OTC: variants seen among roughly 807,000 people sequenced by gnomAD.
The protein encoded by OTC is ornithine transcarbamylase, mitochondrial.
Under a neutral mutation model 30.3 loss-of-function variants are expected in OTC, and 3 were observed. That is an observed-to-expected ratio of 0.10 (90% confidence interval 0.05 to 0.26). The LOEUF is 0.26. Ranked by LOEUF, OTC falls within the 10% of genes least tolerant of loss-of-function variation. OTC has a pLI of 1.00. For synonymous variants in OTC, 111 were observed against 99.7 expected (o/e 1.11, Z -0.67); for missense variants, 194 against 260.3 (o/e 0.75, Z 1.75).
intron 1 of OTC, among the ~76,000 whole-genome samples, chrX:38,359,380 C>G (rs1283154487): frequency 9.0e-6 from 1 of 110,868 alleles, no homozygotes; most frequent in Non-Finnish European, 1.9e-5. Flanking sequence ...TCAGCCTGGG[C>G]CATACCCTAT....
At chrX:38,408,205 G>T (rs1262363578) in intron 6 of OTC, among the ~76,000 whole-genome samples, 1 of 112,050 alleles carries the variant, frequency 8.9e-6, no homozygotes, top group Admixed American at 9.5e-5. Context: ...GCCCTCAAAA[G>T]GCTTGCTGGG....
chrX:38,420,463 T>C (rs191690079), intron 9 of OTC, among the ~76,000 whole-genome samples: 1,184 of 110,688 alleles, frequency 0.011, 12 homozygotes, highest in African/African-American at 0.037. Context: ...CTTGTGGAGA[T>C]TGAGAAAAGT....
the OTC span, among the ~76,000 whole-genome samples, chrX:38,336,274 A>G: frequency 3.7e-3 from 403 of 110,347 alleles, no homozygotes; most frequent in African/African-American, 0.013. Flanking sequence ...GTGAATTTCT[A>G]TTAAGGAGCA....
intron 4 of OTC, among the ~76,000 whole-genome samples, chrX:38,400,451 A>G (rs1169881222): frequency 9.0e-6 from 1 of 111,636 alleles, no homozygotes; most frequent in East Asian, 2.8e-4. Context: ...GACTTGCAAG[A>G]GATTTATTGA....
At chrX:38,405,712 C>T (rs1223625961) in intron 6 of OTC, among the ~76,000 whole-genome samples, 1 of 111,206 alleles carries the variant, frequency 9.0e-6, no homozygotes, top group Admixed American at 9.6e-5. Flanking sequence ...GAGAGATGAC[C>T]CTTACAACAG....
At chrX:38,411,665 CA>C (rs368534980) in intron 8 of OTC, among the ~76,000 whole-genome samples, 196 bp from the exon 9 acceptor site, 1,909 of 87,559 alleles carry the variant, frequency 0.022, 24 homozygotes, top group South Asian at 0.072. Context: ...GACTCTGTCT[CA>C]AAAAAAAAAA....
At chrX:38,344,895 T>TA in the OTC span, among the ~76,000 whole-genome samples, 86 of 95,598 alleles carry the variant, frequency 9.0e-4, no homozygotes, top group East Asian at 2.2e-3. Flanking sequence ...ACAATTCAAG[T>TA]AAAAAAAAAA....
At chrX:38,421,608 C>T (rs758033925), downstream of OTC, among the ~76,000 whole-genome samples, 7 of 111,507 alleles carry the variant, frequency 6.3e-5, no homozygotes, top group African/African-American at 1.3e-4. Flanking sequence ...AGGCAAATAA[C>T]GAAATTCTTA....
chrX:38,407,951 C>T (rs1410468220), intron 6 of OTC, among the ~76,000 whole-genome samples: 1 of 111,615 alleles, frequency 9.0e-6, no homozygotes, highest in African/African-American at 3.3e-5. Context: ...GATGTCTCCT[C>T]ACCCAGAGTA....
rs192288450 is a variant in OTC at position 38,413,031 on chromosome X, C to T, written c.1005+1032C>T. Among the ~76,000 whole-genome samples the T allele has an allele frequency of 5.0e-3, 562 of 111,777 alleles. 2 individuals carry two copies. Among genetic ancestry groups the T allele is most frequent in the Non-Finnish European group, 8.6e-3 (455 of 53,130 alleles). On this transcript the variant is annotated intron_variant, in intron 9 of 9. Transcript: ENST00000039007. The stretch of plus-strand genomic sequence containing the variant: ...TATGTAGCAGAAGATCCAATCTCTC[C>T]GAAGACGGCTTCCACTGCATGTTGT...
chrX:38,420,314 C>T (rs980159569), intron 9 of OTC, among the ~76,000 whole-genome samples: 1 of 110,858 alleles, frequency 9.0e-6, no homozygotes, highest in Non-Finnish European at 1.9e-5. Flanking sequence ...ACATTTTCCT[C>T]TAGCTCACCA....
At chrX:38,396,407 A>G (rs1043866990) in intron 4 of OTC, among the ~76,000 whole-genome samples, 1 of 112,105 alleles carries the variant, frequency 8.9e-6, no homozygotes, top group African/African-American at 3.2e-5. Flanking sequence ...TCTTATTGGC[A>G]TTGTGTTGTA....
At chrX:38,387,064 T>C (rs2068407344) in intron 4 of OTC, among the ~76,000 whole-genome samples, 1 of 112,724 alleles carries the variant, frequency 8.9e-6, no homozygotes, top group Admixed American at 9.4e-5. Context: ...ATTGAGCACA[T>C]TTTCATATAC....
intron 4 of OTC, among the ~76,000 whole-genome samples, chrX:38,385,941 A>C (rs759602352): frequency 9.1e-6 from 1 of 109,935 alleles, no homozygotes; most frequent in South Asian, 3.9e-4. Flanking sequence ...CTAAAAATAA[A>C]ATAAAAAAAA....
At chrX:38,417,604 T>C (rs57089202) in intron 9 of OTC, among the ~76,000 whole-genome samples, 4,238 of 111,664 alleles carry the variant, frequency 0.038, 229 homozygotes, top group African/African-American at 0.13. Flanking sequence ...TGGTATGATG[T>C]ACATACAGCA....
At chrX:38,329,839 C>T in the OTC span, among the ~76,000 whole-genome samples, 6 of 111,649 alleles carry the variant, frequency 5.4e-5, no homozygotes, top group Admixed American at 1.9e-4. Flanking sequence ...TTGGGAATGG[C>T]ACCAAGTAAC....
the OTC span, among the ~76,000 whole-genome samples, chrX:38,335,242 ATTC>A: frequency 8.9e-6 from 1 of 112,293 alleles, no homozygotes; most frequent in South Asian, 3.7e-4. Context: ...TCTGTCTCTG[ATTC>A]TTCTTCTGGT....
the OTC span, among the ~76,000 whole-genome samples, chrX:38,330,477 T>C: frequency 8.9e-6 from 1 of 112,425 alleles, no homozygotes; most frequent in African/African-American, 3.2e-5. Flanking sequence ...CTAAATGAAG[T>C]ACTAACTTCA....
chrX:38,408,851 T>C (rs764550283), intron 7 of OTC, 25 bp from the exon 8 acceptor site: 15 of 1,210,503 alleles, frequency 1.2e-5, no homozygotes, highest in Non-Finnish European at 1.7e-5. Context: ...TGAAGTTATT[T>C]AACCAGCGTG....
Sources: allele counts gnomAD v4.1 joint callset (sites outside exome capture counted in the v4.1 genomes callset), GRCh38; gene constraint gnomAD v4.1.1; transcripts MANE v1.5; gene names NCBI Gene and HGNC (gene_info 2026-07-23, HGNC 2026-07-21).